The following HIRA variants were observed in gnomAD, a reference collection of about 807,000 sequenced individuals.
HIRA encodes the protein histone cell cycle regulator.
In HIRA, 13 loss-of-function variants were observed where a neutral mutation model predicts 126.6. The observed-to-expected ratio is 0.10, with a 90% CI of 0.07 to 0.16. The LOEUF is 0.16. Ranked by LOEUF, HIRA falls within the 10% of genes least tolerant of loss-of-function variation. The probability of loss-of-function intolerance (pLI) is 1.00; values close to 1 mark genes in which losing one functional copy is unlikely to be tolerated. For synonymous variants in HIRA, 511 were observed against 520.0 expected (o/e 0.98, Z 0.24); for missense variants, 834 against 1,314.4 (o/e 0.63, Z 5.65).
intron 1 of HIRA, among the ~76,000 whole-genome samples, chr22:19,425,891 A>C (rs1408910669): frequency 6.6e-6 from 1 of 152,158 alleles, no homozygotes; most frequent in Admixed American, 6.5e-5. Context: ...TGTGCCTGTA[A>C]TCCCAGCTAC....
chr22:19,398,868 T>C (rs150969310), intron 5 of HIRA, among the ~76,000 whole-genome samples: 440 of 151,888 alleles, frequency 2.9e-3, no homozygotes, highest in Middle Eastern at 0.01. Flanking sequence ...ACACAGGAAG[T>C]TGAGGTGGGA....
At chr22:19,393,452 G>C (rs1420808689) in intron 8 of HIRA, among the ~76,000 whole-genome samples, 1 of 152,094 alleles carries the variant, frequency 6.6e-6, no homozygotes, top group African/African-American at 2.4e-5. Flanking sequence ...CCGCCTCCCG[G>C]GTTCAAGTGA....
chr22:19,390,641 T>G (rs949858480), intron 9 of HIRA, among the ~76,000 whole-genome samples: 2 of 104,194 alleles, frequency 1.9e-5, no homozygotes, highest in Non-Finnish European at 4.0e-5. Context: ...GCTGAAGACA[T>G]CGCCTCATCT....
chr22:19,361,826 G>A lies in HIRA; in HGVS notation c.1881C>T (p.Ser627=). 1.9e-6 allele frequency: 3 copies of A among 1,614,078 alleles called. No individual in the cohort carries two copies. The highest frequency in any genetic ancestry group is 2.2e-5 in the South Asian group (2 of 91,066). Residue 627 remains serine, a synonymous_variant, in exon 16 of 25, where the codon TCC becomes TCT. Transcript: ENST00000263208. ...CTACCTCAAGCTCAAGTTTTCGCTTGGACAGTGAGGAAGCCTTAGCCAAAG... is the reference window on the plus strand; with the variant it reads ...CTACCTCAAGCTCAAGTTTTCGCTTAGACAGTGAGGAAGCCTTAGCCAAAG... ...KVPLAKASSL[S]KRKLELEVET...
At chr22:19,358,881 G>T (rs183595939) in intron 18 of HIRA, among the ~76,000 whole-genome samples, 5 of 152,244 alleles carry the variant, frequency 3.3e-5, no homozygotes, top group African/African-American at 1.2e-4. Flanking sequence ...CTGAATCAAG[G>T]TCCCCCTCAC....
At chr22:19,346,270 A>G (rs782480103) in intron 24 of HIRA, among the ~76,000 whole-genome samples, 5 of 152,222 alleles carry the variant, frequency 3.3e-5, no homozygotes, top group African/African-American at 4.8e-5. Flanking sequence ...TAATCCCAGC[A>G]CTTTGGGAGG....
intron 15 of HIRA, among the ~76,000 whole-genome samples, chr22:19,366,917 A>T (rs942991238): frequency 2.0e-5 from 3 of 152,098 alleles, no homozygotes; most frequent in Non-Finnish European, 4.4e-5. Flanking sequence ...ATGCACCGTG[A>T]CAACCGGCTA....
At chr22:19,381,892 C>G (rs746477457) in intron 13 of HIRA, among the ~76,000 whole-genome samples, 9 of 152,194 alleles carry the variant, frequency 5.9e-5, no homozygotes, top group African/African-American at 9.7e-5. Flanking sequence ...GTGAAGCCAT[C>G]TTAGTCCGGT....
At chr22:19,371,085 AAGC>A (rs1260623079) in intron 15 of HIRA, among the ~76,000 whole-genome samples, 1 of 152,242 alleles carries the variant, frequency 6.6e-6, no homozygotes, top group Middle Eastern at 3.2e-3. Flanking sequence ...CTTCCTCAAT[AAGC>A]AGGACTGTCT....
At chr22:19,372,783 G>C (rs954768963) in intron 15 of HIRA, among the ~76,000 whole-genome samples, 26 of 152,136 alleles carry the variant, frequency 1.7e-4, no homozygotes, top group African/African-American at 5.3e-4. Context: ...TGTTGGCCAG[G>C]CTGGTCTTGA....
rs1273087935 is a variant in HIRA at position 19,361,272 on chromosome 22, G to A, written c.2050C>T (p.Pro684Ser). ...AATGCTCTCTGGGGGCTTGGAATTGGCAGCTTCAGTGCAAGTGCTGGTGCA... is the reference window on the plus strand; with the variant it reads ...AATGCTCTCTGGGGGCTTGGAATTGACAGCTTCAGTGCAAGTGCTGGTGCA... ...LSAPALALKL[P>S]IPSPQRAFTL... Residue 684 changes from proline to serine, a missense_variant, in exon 17 of 25, where the codon CCA (proline) becomes TCA (serine). Pro to Ser is a moderately conservative substitution (Grantham distance 74). This residue lies in a region of HIRA where 468 missense variants were observed against 574.2 expected (regional missense o/e 0.82). Coordinates refer to ENST00000263208, the MANE Select transcript of HIRA (RefSeq NM_003325.4). The A allele has an allele frequency of 6.2e-7, 1 of 1,614,188 alleles. No individual in the cohort carries two copies.
intron 13 of HIRA, among the ~76,000 whole-genome samples, chr22:19,382,660 A>G (rs1009821192): frequency 3.9e-5 from 6 of 152,216 alleles, no homozygotes; most frequent in Admixed American, 3.9e-4. Context: ...GCCTCCATGA[A>G]GGGCTTACAA....
chr22:19,394,631 CT>C, intron 7 of HIRA, 122 bp from the exon 8 acceptor site: 1 of 963,878 alleles, frequency 1.0e-6, no homozygotes, highest in Non-Finnish European at 1.5e-6. Context: ...GCACCCCAAG[CT>C]TCTGGCTACA....
At position 19,351,834 on chromosome 22, in the gene HIRA, G is replaced by A. The variant is rs1556010997; in HGVS notation, c.2849-388C>T. Among the ~76,000 whole-genome samples, 1 of 152,152 alleles carries A rather than the reference G, an allele frequency of 6.6e-6. No homozygotes were observed. Among genetic ancestry groups the A allele is most frequent in the East Asian group, 1.9e-4 (1 of 5,182 alleles). On this transcript the variant is annotated intron_variant, in intron 23 of 24. Transcript: ENST00000263208. The surrounding 1 kb of genome is among the most constrained non-coding windows in gnomAD (Gnocchi z 4.8). ...GGCAGCTGGTGTTGAGGGGAGGTCA[G>A]GAGGGTGGGACGGCCAGCCCGCAGG...
intron 24 of HIRA, among the ~76,000 whole-genome samples, chr22:19,343,303 G>A (rs782777700): frequency 6.6e-6 from 1 of 152,160 alleles, no homozygotes; most frequent in Non-Finnish European, 1.5e-5. Context: ...TGTAATCCCA[G>A]CACTTTGGGA....
In HIRA at chr22:19,361,265, G is replaced by C. The variant is rs1233411143; in HGVS notation, c.2057C>G (p.Pro686Arg). The C allele has an allele frequency of 6.2e-7, 1 of 1,614,200 alleles. No individual in the cohort carries two copies. Among genetic ancestry groups the C allele is most frequent in the Non-Finnish European group, 8.5e-7 (1 of 1,180,010 alleles). Residue 686 changes from proline to arginine, a missense_variant, in exon 17 of 25, where the codon CCA becomes CGA. Around this residue, in one of 5 missense-constraint regions of HIRA, gnomAD observed 468 missense variants for 574.2 expected, o/e 0.82. Transcript: ENST00000263208. ...APALALKLPIPSPQRAFTLQV... is the reference protein window; with the variant it reads ...APALALKLPIRSPQRAFTLQV... Reference sequence around the variant, plus strand: ...GAGGGTGAATGCTCTCTGGGGGCTTGGAATTGGCAGCTTCAGTGCAAGTGC... The same window carrying C: ...GAGGGTGAATGCTCTCTGGGGGCTTCGAATTGGCAGCTTCAGTGCAAGTGC...
chr22:19,383,980 T>C (rs1334798880), intron 12 of HIRA, among the ~76,000 whole-genome samples: 2 of 152,122 alleles, frequency 1.3e-5, no homozygotes, highest in Non-Finnish European at 2.9e-5. Context: ...CACCATTCTA[T>C]TCTCTGTCTC....
In HIRA at chr22:19,343,886, A is replaced by AAGAG. The variant is rs71184802; in HGVS notation, c.2937+7468_2937+7471dup. 8.4e-3 allele frequency among the ~76,000 whole-genome samples: 1,225 copies of AAGAG among 145,022 alleles called. 14 individuals carry two copies. Among genetic ancestry groups the AAGAG allele is most frequent in the African/African-American group, 0.025 (1,001 of 39,754 alleles). ...GGCCACAGTGAGGGGAAAAAAAAAA[A>AAGAG]AGAGAGAGAGAGAGAGAGTCTTGCT... is the stretch of plus-strand genomic sequence containing the variant. On this transcript the variant is annotated intron_variant, in intron 24 of 24. Coordinates refer to ENST00000263208, the MANE Select transcript of HIRA (RefSeq NM_003325.4).
intron 15 of HIRA, 41 bp downstream of exon 15, chr22:19,375,590 C>T: frequency 1.2e-6 from 2 of 1,606,498 alleles, no homozygotes; most frequent in African/African-American, 1.3e-5. Context: ...CCCATGCCTG[C>T]ACCCTGCCTG....
Sources: allele counts gnomAD v4.1 joint callset (sites outside exome capture counted in the v4.1 genomes callset), GRCh38; gene constraint gnomAD v4.1.1; regional missense constraint gnomAD v4.1.1; non-coding constraint Gnocchi (gnomAD v3.1); transcripts MANE v1.5; gene names NCBI Gene and HGNC (gene_info 2026-07-23, HGNC 2026-07-21).